Variants in PRKG1 observed in about 807,000 individuals in gnomAD.
PRKG1 encodes the protein cGMP-dependent protein kinase 1.
Under a neutral mutation model 88.1 loss-of-function variants are expected in PRKG1, and 35 were observed. The ratio of observed to expected loss-of-function variants is 0.40; its 90% CI spans 0.30 to 0.53. PRKG1 has a LOEUF of 0.53. Among genes scored for constraint, PRKG1 ranks in the 20% least tolerant of loss-of-function variants. The pLI is 0.59. For missense variants in PRKG1, 540 were observed against 839.8 expected, an observed-to-expected ratio of 0.64 and a Z score of 4.41; for synonymous variants, 303 against 292.5, an observed-to-expected ratio of 1.04 and a Z score of -0.37.
chr10:51,208,830 T>C (rs1013008282), intron 2 of PRKG1, among the ~76,000 whole-genome samples: 10 of 152,194 alleles, frequency 6.6e-5, no homozygotes, highest in Non-Finnish European at 1.2e-4. Context: ...AGATTCTCAC[T>C]ACCTGCCTCG....
chr10:51,465,787 A>G (rs917507408), intron 2 of PRKG1, among the ~76,000 whole-genome samples: 1 of 152,198 alleles, frequency 6.6e-6, no homozygotes, highest in Non-Finnish European at 1.5e-5. Context: ...TTTCTGTAGT[A>G]GATGATGGAA....
intron 8 of PRKG1, among the ~76,000 whole-genome samples, chr10:52,157,302 A>T (rs1838138668): frequency 1.1e-5 from 1 of 92,288 alleles, no homozygotes. Flanking sequence ...TGTGTGAGTT[A>T]GTTGATATAT....
At chr10:51,766,982 T>C (rs1358423463) in intron 3 of PRKG1, among the ~76,000 whole-genome samples, 1 of 152,208 alleles carries the variant, frequency 6.6e-6, no homozygotes, top group Non-Finnish European at 1.5e-5. Flanking sequence ...TAATTTTAAG[T>C]AGTGACTGAT....
chr10:52,058,703 G>T (rs1400805740), intron 6 of PRKG1, among the ~76,000 whole-genome samples: 1 of 151,838 alleles, frequency 6.6e-6, no homozygotes, highest in African/African-American at 2.4e-5. Context: ...AAAACATAAA[G>T]CTATAAAACT....
At chr10:51,175,939 A>G (rs1034159307) in intron 2 of PRKG1, among the ~76,000 whole-genome samples, 1 of 152,146 alleles carries the variant, frequency 6.6e-6, no homozygotes, top group Non-Finnish European at 1.5e-5. Flanking sequence ...CATCTTTCAT[A>G]TAGTAAGTAC....
At chr10:51,785,812 A>C (rs983206513) in intron 3 of PRKG1, among the ~76,000 whole-genome samples, 2 of 152,162 alleles carry the variant, frequency 1.3e-5, no homozygotes, top group Non-Finnish European at 2.9e-5. Context: ...ATGATTAAGA[A>C]AGCACTCATT....
chr10:51,074,025 C>G (rs374556783), upstream of PRKG1, among the ~76,000 whole-genome samples: 1 of 152,142 alleles, frequency 6.6e-6, no homozygotes, highest in Non-Finnish European at 1.5e-5. Flanking sequence ...CCAGGCTGGT[C>G]TGCTCTGGAG....
chr10:51,892,494 T>C (rs1841746980), intron 4 of PRKG1, among the ~76,000 whole-genome samples: 1 of 152,172 alleles, frequency 6.6e-6, no homozygotes, highest in Admixed American at 6.6e-5. Context: ...CTTCCCATCA[T>C]AGGAGTGTCC....
At chr10:52,018,025 T>A (rs1206434805) in intron 5 of PRKG1, among the ~76,000 whole-genome samples, 1 of 152,094 alleles carries the variant, frequency 6.6e-6, no homozygotes, top group Non-Finnish European at 1.5e-5. Flanking sequence ...AAGCATCGAT[T>A]TGCCTAATTA....
intron 10 of PRKG1, among the ~76,000 whole-genome samples, chr10:52,255,036 C>T (rs1201494596): frequency 1.3e-5 from 2 of 152,056 alleles, no homozygotes; most frequent in Non-Finnish European, 2.9e-5. Context: ...TATTTTCTGC[C>T]TATGTTCTTT....
intron 4 of PRKG1, among the ~76,000 whole-genome samples, chr10:51,904,222 G>T (rs1464495163): frequency 2.6e-5 from 4 of 151,916 alleles, no homozygotes; most frequent in Admixed American, 6.6e-5. Flanking sequence ...CATGTAAATT[G>T]TTACAATAAA....
intron 10 of PRKG1, 32 bp downstream of exon 10, chr10:52,251,698 G>T (rs369298341): frequency 6.5e-7 from 1 of 1,530,634 alleles, no homozygotes; most frequent in South Asian, 1.2e-5. Flanking sequence ...GCTTTTGATC[G>T]CCTCTGCTTC....
chr10:51,931,441 C>T (rs1449259735), intron 5 of PRKG1, among the ~76,000 whole-genome samples: 1 of 152,044 alleles, frequency 6.6e-6, no homozygotes. Context: ...TAGCGAGACC[C>T]CCATCGCTAT....
At chr10:51,035,849 C>T (rs1331374431) in intron 1 of PRKG1, among the ~76,000 whole-genome samples, 1 of 152,066 alleles carries the variant, frequency 6.6e-6, no homozygotes, top group Admixed American at 6.6e-5. Context: ...ATATGTCTTT[C>T]TACTGTTTAT....
chr10:51,018,550 T>A (rs9888036), intron 1 of PRKG1, among the ~76,000 whole-genome samples: 6,322 of 152,260 alleles, frequency 0.042, 318 homozygotes, highest in African/African-American at 0.12. Context: ...GTAGATAAAA[T>A]CAGTTTTTTT....
chr10:51,500,274 A>T (rs373713657), intron 3 of PRKG1, among the ~76,000 whole-genome samples: 1 of 152,182 alleles, frequency 6.6e-6, no homozygotes, highest in East Asian at 1.9e-4. Flanking sequence ...TAATGTTTCC[A>T]CTTGAACTTG....
At chr10:52,085,257 C>T (rs61849901) in intron 7 of PRKG1, among the ~76,000 whole-genome samples, 23,209 of 144,838 alleles carry the variant, frequency 0.16, 2,267 homozygotes, top group Non-Finnish European at 0.23. Context: ...TATTCTCCCT[C>T]CCTCCCTCCC....
chr10:51,659,357 C>G (rs896654468), intron 3 of PRKG1, among the ~76,000 whole-genome samples: 2 of 152,054 alleles, frequency 1.3e-5, no homozygotes, highest in Non-Finnish European at 2.9e-5. Flanking sequence ...AGAGAAGAGT[C>G]TTGAGATAGC....
intron 3 of PRKG1, among the ~76,000 whole-genome samples, chr10:51,662,323 G>T (rs1165784078): frequency 6.6e-6 from 1 of 152,088 alleles, no homozygotes; most frequent in Non-Finnish European, 1.5e-5. Flanking sequence ...TGGTCATTAT[G>T]AATTATGTAG....
Sources: gnomAD v4.1 joint callset for allele counts (sites outside exome capture counted in the v4.1 genomes callset) on GRCh38, gnomAD v4.1.1 for gene constraint, MANE v1.5 for transcripts, NCBI Gene and HGNC (gene_info 2026-07-23, HGNC 2026-07-21) for gene names.